The following PSMD13 variants were observed in gnomAD, a reference collection of about 807,000 sequenced individuals.
PSMD13 encodes proteasome 26S subunit, non-ATPase 13.
In PSMD13, 8 loss-of-function variants were observed where a neutral mutation model predicts 57.4. That is an observed-to-expected ratio of 0.14 (90% CI 0.08 to 0.25). The LOEUF (loss-of-function observed/expected upper bound fraction) is 0.25. Ranked by LOEUF, PSMD13 falls within the 10% of genes least tolerant of loss-of-function variation. PSMD13 has a pLI of 1.00. For synonymous variants in PSMD13, 193 were observed against 168.2 expected (o/e 1.15, Z -1.14); for missense variants, 400 against 461.5 (o/e 0.87, Z 1.22).
At chr11:248,599 G>A (rs574949629) in intron 7 of PSMD13, 177 bp from the exon 8 acceptor site, 11 of 632,502 alleles carry the variant, frequency 1.7e-5, no homozygotes, top group Admixed American at 2.9e-5. Flanking sequence ...TGTATATATG[G>A]TTCTTGGTAT....
intron 7 of PSMD13, 109 bp from the exon 8 acceptor site, chr11:248,667 C>A: frequency 9.5e-7 from 1 of 1,054,682 alleles, no homozygotes; most frequent in South Asian, 1.4e-5. Flanking sequence ...TTTGTAATAA[C>A]AACCATTACA....
intron 9 of PSMD13, among the ~76,000 whole-genome samples, chr11:249,567 G>A (rs1363163338): frequency 9.8e-5 from 8 of 81,470 alleles, no homozygotes; most frequent in South Asian, 3.3e-4. Context: ...CGGCGGGTGC[G>A]GGGAGGGGGA....
chr11:245,555 T>C (rs1258498369), intron 6 of PSMD13, among the ~76,000 whole-genome samples: 2 of 152,118 alleles, frequency 1.3e-5, no homozygotes, highest in African/African-American at 4.8e-5. Flanking sequence ...TTATGTTCAA[T>C]TATGTTTTGG....
chr11:238,873 T>G, intron 1 of PSMD13, 125 bp from the exon 2 acceptor site: 2 of 912,542 alleles, frequency 2.2e-6, no homozygotes, highest in African/African-American at 3.3e-5. Flanking sequence ...TTTTGAATTT[T>G]GGAGTTTTGG....
chr11:252,433 G>T lies in PSMD13; in HGVS notation c.1036-72G>T. On this transcript the variant is annotated intron_variant, in intron 12 of 12. Transcript: ENST00000532097. This position sits in a 1 kb window ranked among gnomAD's most constrained non-coding sequence, Gnocchi z 4.1. Reference sequence around the variant, plus strand: ...TGGAGATGTAGAGTCACCCCATCAGGTGCTGTGCCGGCCGCTCGGCCTGTG... The same window carrying T: ...TGGAGATGTAGAGTCACCCCATCAGTTGCTGTGCCGGCCGCTCGGCCTGTG... 7.1e-7 allele frequency: 1 copy of T among 1,401,744 alleles called. No homozygotes were observed. The highest frequency in any genetic ancestry group is 1.7e-5 in the Admixed American group (1 of 59,436). 86.8% of individuals were successfully genotyped at this position (1,401,744 alleles called of 1,614,324 possible).
intron 2 of PSMD13, among the ~76,000 whole-genome samples, chr11:242,813 G>A (rs1363642371): frequency 1.4e-5 from 2 of 146,088 alleles, no homozygotes; most frequent in African/African-American, 5.1e-5. Context: ...TTTTTTTTTT[G>A]AGATGGAGTT....
chr11:237,167 C>G (rs201498811), intron 1 of PSMD13, 23 bp downstream of exon 1: 3 of 1,596,388 alleles, frequency 1.9e-6, no homozygotes, highest in Admixed American at 1.7e-5. Flanking sequence ...CAGACGGGCC[C>G]TGGGCCCCGG....
At chr11:246,157 A>C (rs774715662) in intron 6 of PSMD13, among the ~76,000 whole-genome samples, 2 of 152,232 alleles carry the variant, frequency 1.3e-5, no homozygotes, top group Non-Finnish European at 2.9e-5. Flanking sequence ...TGTTACTCCT[A>C]TACGGTATTT....
At position 251,685 on chromosome 11, in the gene PSMD13, GCT is replaced by G; in HGVS notation, c.918+62_918+63del. ...AAAGCTGCCACATGGAGGAGTCAAG[GCT>G]CTTGTGTGAGCGCTGTGCTCCCTAG... On this transcript the variant is annotated intron_variant, in intron 11 of 12. Coordinates refer to ENST00000532097, the MANE Select transcript of PSMD13 (RefSeq NM_002817.4). This position sits in a 1 kb window ranked among gnomAD's most constrained non-coding sequence, Gnocchi z 4.6. 6.4e-7 allele frequency: 1 copy of G among 1,562,074 alleles called. No homozygotes were observed. The highest frequency in any genetic ancestry group is 1.4e-5 in the African/African-American group (1 of 73,596).
At chr11:246,146 C>CTGT (rs1859642866) in intron 6 of PSMD13, among the ~76,000 whole-genome samples, 1 of 152,220 alleles carries the variant, frequency 6.6e-6, no homozygotes, top group Non-Finnish European at 1.5e-5. Flanking sequence ...AACCAATGTG[C>CTGT]TGTTACTCCT....
intron 2 of PSMD13, among the ~76,000 whole-genome samples, chr11:241,871 G>A (rs1381223035): frequency 2.6e-5 from 4 of 152,220 alleles, no homozygotes; most frequent in Admixed American, 1.3e-4. Context: ...CCTCTGGTTC[G>A]GCCTTGCACT....
At chr11:247,250 A>G (rs777631349) in intron 6 of PSMD13, 27 bp from the exon 7 acceptor site, 3 of 1,586,234 alleles carry the variant, frequency 1.9e-6, no homozygotes, top group Non-Finnish European at 2.6e-6. Flanking sequence ...ACTTAAAAAG[A>G]GAGATGATTT....
chr11:244,180 G>C lies in PSMD13; in HGVS notation c.229G>C (p.Val77Leu). 4.3e-6 allele frequency: 7 copies of C among 1,610,044 alleles called. No homozygotes were observed. Among genetic ancestry groups the C allele is most frequent in the Non-Finnish European group, 5.9e-6 (7 of 1,177,022 alleles). Residue 77 changes from valine (V) to leucine (L), a missense_variant, in exon 4 of 13, where the codon GTG becomes CTG. Physicochemically the swap from Val to Leu is conservative, Grantham distance 32. Coordinates refer to ENST00000532097, the MANE Select transcript of PSMD13 (RefSeq NM_002817.4). ...TTTCAGGGTGAACCCTTTGTCCCTCGTGGAAATCATTCTTCATGTAGTTAG... is the reference window on the plus strand; with the variant it reads ...TTTCAGGGTGAACCCTTTGTCCCTCCTGGAAATCATTCTTCATGTAGTTAG... The part of the protein sequence containing the change: ...FEHRVNPLSL[V>L]EIILHVVRQM...
chr11:247,097 T>C (rs1210993210), intron 6 of PSMD13, among the ~76,000 whole-genome samples, 180 bp from the exon 7 acceptor site: 1 of 152,158 alleles, frequency 6.6e-6, no homozygotes, highest in Non-Finnish European at 1.5e-5. Context: ...ACTTTAAAAA[T>C]CTTAGCCAAG....
chr11:245,457 A>G (rs1859610670), intron 6 of PSMD13, among the ~76,000 whole-genome samples: 1 of 152,152 alleles, frequency 6.6e-6, no homozygotes, highest in Non-Finnish European at 1.5e-5. Flanking sequence ...GTCAGCCTAC[A>G]CACCACTGGC....
Position 251,144 on chromosome 11 carries a change from C to G in PSMD13, c.837+279C>G. ...GAGATGAAGTAGCTGCCCCTCTCCC[C>G]GTGATGCAGTTGTTGCCTCATTGCA... On this transcript the variant is annotated intron_variant, in intron 10 of 12. Transcript: ENST00000532097. The surrounding 1 kb of genome is among the most constrained non-coding windows in gnomAD (Gnocchi z 4.6). 4.2e-6 allele frequency: 2 copies of G among 481,550 alleles called. No homozygotes were observed. Among genetic ancestry groups the G allele is most frequent in the East Asian group, 3.6e-5 (1 of 27,670 alleles). 29.8% of individuals were successfully genotyped at this position (481,550 alleles called of 1,614,324 possible). A position where few individuals can be genotyped will look rare whatever the true frequency, so the allele number is the denominator to read the frequency against.
chr11:243,123 C>G, intron 2 of PSMD13: 1 of 596,020 alleles, frequency 1.7e-6, no homozygotes, highest in Admixed American at 2.2e-5. Context: ...CCTTTTTTTA[C>G]TTCCCTCTCC....
chr11:244,435 T>G lies in PSMD13; in HGVS notation c.275T>G (p.Val92Gly). 1.2e-6 allele frequency: 2 copies of G among 1,611,322 alleles called. No homozygotes were observed. The highest frequency in any genetic ancestry group is 1.7e-6 in the Non-Finnish European group (2 of 1,177,572). The change falls in exon 5 of 13, where the codon GTG becomes GGG. Residue 92 changes from valine (V) to glycine (G), a missense_variant. By Grantham distance (109) the Val-to-Gly change is moderately radical. Transcript: ENST00000532097. ...GTTCCTTCTTTTCCAGATCCTAATG[T>G]GGCTCTTACTTTTCTGGAAAAGACT... Reference protein sequence around the residue: ...HVVRQMTDPNVALTFLEKTRE... With the variant: ...HVVRQMTDPNGALTFLEKTRE...
chr11:251,885 C>T lies in PSMD13; in HGVS notation c.984C>T (p.Asp328=), dbSNP rs752354042. 6.2e-7 allele frequency: 1 copy of T among 1,614,130 alleles called. No individual in the cohort carries two copies. Among genetic ancestry groups the T allele is most frequent in the South Asian group, 1.1e-5 (1 of 91,084 alleles). ...TGAAAGGCAGTATAGACGAGGTGGA[C>T]AAACGAGTCCACATGACCTGGGTGC... ...GLVKGSIDEV[D]KRVHMTWVQP... Residue 328 remains aspartate (D), a synonymous_variant, in exon 12 of 13, where the codon GAC becomes GAT. Transcript: ENST00000532097. This position sits in a 1 kb window ranked among gnomAD's most constrained non-coding sequence, Gnocchi z 4.6.
Sources: gnomAD v4.1 joint callset for allele counts (sites outside exome capture counted in the v4.1 genomes callset) on GRCh38, gnomAD v4.1.1 for gene constraint, Gnocchi (gnomAD v3.1) non-coding constraint, MANE v1.5 for transcripts, NCBI Gene and HGNC (gene_info 2026-07-23, HGNC 2026-07-21) for gene names.